The following BCL7C variants were observed in gnomAD, a reference collection of about 807,000 sequenced individuals.
BCL7C encodes BAF chromatin remodeling complex subunit BCL7C.
BCL7C carries 8 observed loss-of-function variants against 26.2 expected under a neutral mutation model. The observed-to-expected ratio is 0.30, with a 90% CI of 0.18 to 0.55. BCL7C has a LOEUF of 0.55. Ranked by LOEUF, BCL7C falls within the 20% of genes least tolerant of loss-of-function variation. BCL7C has a pLI of 0.93. For synonymous variants in BCL7C, 90 were observed against 116.5 expected, an observed-to-expected ratio of 0.77 and a Z score of 1.47; for missense variants, 262 against 298.5, an observed-to-expected ratio of 0.88 and a Z score of 0.90.
intron 5 of BCL7C, among the ~76,000 whole-genome samples, chr16:30,836,677 T>A (rs563580915): frequency 6.6e-6 from 1 of 151,964 alleles, no homozygotes. Context: ...GGTTTTGCCA[T>A]GTTGCTCAGG....
At chr16:30,884,063 T>A (rs2055086886), downstream of BCL7C, among the ~76,000 whole-genome samples, 1 of 148,290 alleles carries the variant, frequency 6.7e-6, no homozygotes, top group South Asian at 2.1e-4. Context: ...AGGCGGAGCT[T>A]GCAGTGAGCC....
chr16:30,881,122 T>A (rs1231888029), intron 5 of BCL7C, among the ~76,000 whole-genome samples: 1 of 151,998 alleles, frequency 6.6e-6, no homozygotes, highest in Non-Finnish European at 1.5e-5. Flanking sequence ...GCAGGCCGGG[T>A]GCCGTGGCTC....
intron 5 of BCL7C, among the ~76,000 whole-genome samples, chr16:30,871,059 T>C (rs1402214991): frequency 1.3e-5 from 2 of 152,174 alleles, no homozygotes; most frequent in African/African-American, 4.8e-5. Context: ...AGGGGAACAG[T>C]TGTTAACTCA....
intron 4 of BCL7C, 121 bp downstream of exon 4, chr16:30,892,465 C>T (rs915895185): frequency 1.1e-5 from 10 of 934,594 alleles, no homozygotes; most frequent in South Asian, 1.8e-5. Context: ...CTGCAGGAGT[C>T]GGAAGGCGCC....
At chr16:30,839,721 C>A (rs2054590515) in intron 5 of BCL7C, among the ~76,000 whole-genome samples, 1 of 152,228 alleles carries the variant, frequency 6.6e-6, no homozygotes, top group South Asian at 2.1e-4. Context: ...TTCTTCAAAG[C>A]ATCTGGATAA....
intron 5 of BCL7C, among the ~76,000 whole-genome samples, chr16:30,870,329 G>GT (rs767867205): frequency 1.3e-5 from 2 of 152,072 alleles, no homozygotes; most frequent in Non-Finnish European, 2.9e-5. Context: ...TCATTCTGAA[G>GT]TTCCTAAAAA....
intron 5 of BCL7C, among the ~76,000 whole-genome samples, chr16:30,861,287 G>A (rs2054769848): frequency 6.6e-6 from 1 of 152,194 alleles, no homozygotes; most frequent in African/African-American, 2.4e-5. Context: ...AGGCAGCCAA[G>A]TAGCAACATA....
At chr16:30,881,080 A>G (rs2055035692) in intron 5 of BCL7C, among the ~76,000 whole-genome samples, 1 of 152,074 alleles carries the variant, frequency 6.6e-6, no homozygotes, top group Non-Finnish European at 1.5e-5. Context: ...AAACCTGTGA[A>G]TGAATACTGG....
chr16:30,847,321 A>G (rs1596814466), intron 5 of BCL7C, among the ~76,000 whole-genome samples: 1 of 152,206 alleles, frequency 6.6e-6, no homozygotes, highest in Admixed American at 6.6e-5. Flanking sequence ...TTGAACTCCT[A>G]TGTCATTCAG....
intron 5 of BCL7C, among the ~76,000 whole-genome samples, chr16:30,849,639 C>G (rs183695340): frequency 2.0e-5 from 3 of 152,004 alleles, no homozygotes; most frequent in Admixed American, 2.0e-4. Context: ...TTAGTAGAGA[C>G]GAGGTTTCAC....
intron 5 of BCL7C, among the ~76,000 whole-genome samples, chr16:30,859,489 CCT>C (rs2054751575): frequency 6.6e-6 from 1 of 152,146 alleles, no homozygotes; most frequent in Admixed American, 6.6e-5. Context: ...CATCACATCC[CCT>C]GTGACCTGCA....
intron 4 of BCL7C, among the ~76,000 whole-genome samples, chr16:30,890,327 G>A (rs1347178032): frequency 4.0e-5 from 6 of 151,744 alleles, no homozygotes; most frequent in Middle Eastern, 3.5e-3. Flanking sequence ...CTTGGGAGGC[G>A]GAGGTTGCAG....
At chr16:30,868,513 C>T (rs958940871) in intron 5 of BCL7C, among the ~76,000 whole-genome samples, 14 of 149,998 alleles carry the variant, frequency 9.3e-5, no homozygotes, top group African/African-American at 1.2e-4. Context: ...AGGCCAGGCG[C>T]GGTGGCTCAC....
At chr16:30,838,404 T>C (rs1176159058) in intron 5 of BCL7C, among the ~76,000 whole-genome samples, 1 of 152,188 alleles carries the variant, frequency 6.6e-6, no homozygotes, top group Non-Finnish European at 1.5e-5. Context: ...TGAGTAACGT[T>C]AGTGGCTGCC....
intron 5 of BCL7C, among the ~76,000 whole-genome samples, chr16:30,861,574 T>C (rs1034373293): frequency 6.6e-6 from 1 of 152,204 alleles, no homozygotes; most frequent in Non-Finnish European, 1.5e-5. Flanking sequence ...CCTGCAACTC[T>C]GGCCCAAGGC....
At chr16:30,861,098 C>T (rs2054768095) in intron 5 of BCL7C, among the ~76,000 whole-genome samples, 1 of 152,134 alleles carries the variant, frequency 6.6e-6, no homozygotes, top group Non-Finnish European at 1.5e-5. Context: ...AGCGTTTAGG[C>T]TCTTTTTCAT....
intron 5 of BCL7C, among the ~76,000 whole-genome samples, chr16:30,874,184 C>G (rs1254712271): frequency 1.3e-5 from 2 of 151,808 alleles, no homozygotes; most frequent in Non-Finnish European, 2.9e-5. Context: ...TTAGTAGAGA[C>G]AGGGTTTCAC....
rs1022964772 is a variant in BCL7C, at chr16:30,893,047, G to A, written c.172-99C>T. 1 of 1,297,286 alleles carries A rather than the reference G, an allele frequency of 7.7e-7. No homozygotes were observed. Among genetic ancestry groups the A allele is most frequent in the African/African-American group, 1.5e-5 (1 of 67,942 alleles). The allele number at this position is 1,297,286 out of a possible 1,614,324, so 80.4% of individuals were successfully genotyped here. On this transcript the variant is annotated intron_variant, in intron 2 of 5. Coordinates refer to ENST00000215115, the MANE Select transcript of BCL7C (RefSeq NM_004765.4). The surrounding 1 kb of genome is among the most constrained non-coding windows in gnomAD (Gnocchi z 5.2). ...AAGCAAAAGGGCTCAAACTCAGGGG[G>A]TGTGGAGCAGAAAAGAGGGCAAAAG...
chr16:30,878,797 C>G (rs968082977), intron 5 of BCL7C, among the ~76,000 whole-genome samples: 5 of 150,834 alleles, frequency 3.3e-5, no homozygotes, highest in African/African-American at 7.3e-5. Flanking sequence ...GAGCTGAGAT[C>G]GTGCCACTGC....
Sources: allele counts gnomAD v4.1 joint callset (sites outside exome capture counted in the v4.1 genomes callset), GRCh38; gene constraint gnomAD v4.1.1; non-coding constraint Gnocchi (gnomAD v3.1); transcripts MANE v1.5; gene names NCBI Gene and HGNC (gene_info 2026-07-23, HGNC 2026-07-21).